The following FLVCR2 variants were observed in gnomAD, a reference collection of about 807,000 sequenced individuals.
FLVCR2 encodes choline/ethanolamine transporter FLVCR2.
A neutral mutation model predicts 48.9 loss-of-function variants in FLVCR2; 38 were observed. That is an observed-to-expected ratio of 0.78 (90% CI 0.60 to 1.02). The LOEUF (loss-of-function observed/expected upper bound fraction) is 1.02. Ranked by LOEUF, FLVCR2 falls within the 50% of genes least tolerant of loss-of-function variation. FLVCR2 has a pLI of 0.00. For synonymous variants in FLVCR2, 255 were observed against 257.0 expected (o/e 0.99, Z 0.07); for missense variants, 664 against 663.3 (o/e 1.00, Z -0.01).
chr14:75,646,307 T>G, intron 9 of FLVCR2, 94 bp from the exon 10 acceptor site: 1 of 838,116 alleles, frequency 1.2e-6, no homozygotes, highest in Non-Finnish European at 2.1e-6. Context: ...GCTCTTGTAT[T>G]CCCCACTGAT....
chr14:75,631,713 C>CT, intron 3 of FLVCR2: 1 of 454,310 alleles, frequency 2.2e-6, no homozygotes, highest in South Asian at 1.6e-5. Context: ...AATGGGAAGA[C>CT]GGGAGGAGAC....
intron 5 of FLVCR2, among the ~76,000 whole-genome samples, chr14:75,636,725 C>G (rs1335222123): frequency 6.6e-6 from 1 of 152,208 alleles, no homozygotes; most frequent in Non-Finnish European, 1.5e-5. Flanking sequence ...GATGAGAGCT[C>G]TGTGATCCCA....
intron 5 of FLVCR2, among the ~76,000 whole-genome samples, chr14:75,635,668 C>T (rs1416966425): frequency 1.3e-5 from 2 of 152,022 alleles, no homozygotes; most frequent in Non-Finnish European, 2.9e-5. Flanking sequence ...AGCTCAAAAC[C>T]AGCCTGGGCA....
At chr14:75,585,717 C>T (rs1482389718) in intron 1 of FLVCR2, among the ~76,000 whole-genome samples, 1 of 152,138 alleles carries the variant, frequency 6.6e-6, no homozygotes, top group Non-Finnish European at 1.5e-5. Flanking sequence ...GGCAGGCGTC[C>T]CCGCAATGAT....
rs35898436 is a variant in FLVCR2 at position 75,600,876 on chromosome 14, C to CA, written c.670-21192dup. 3.8e-3 allele frequency among the ~76,000 whole-genome samples: 530 copies of CA among 140,478 alleles called. 3 individuals are homozygous for CA. The highest frequency in any genetic ancestry group is 7.3e-3 in the African/African-American group (286 of 39,190). 92.2% of individuals were successfully genotyped at this position (140,478 alleles called of 152,430 possible). ...TAAAGAACTCTTTACAACTCAACCG[C>CA]AAAAAAAAAAACAAACAAACAATCC... On this transcript the variant is annotated intron_variant, in intron 1 of 9. Transcript: ENST00000238667.
At chr14:75,623,192 G>C (rs1338921146) in intron 2 of FLVCR2, among the ~76,000 whole-genome samples, 1 of 152,104 alleles carries the variant, frequency 6.6e-6, no homozygotes, top group Non-Finnish European at 1.5e-5. Context: ...ATGTTGGCCA[G>C]GCTGGTCTCG....
rs193042691 is a variant in FLVCR2 at position 75,579,393 on chromosome 14, G to A, written c.421G>A (p.Val141Met). 1.9e-4 allele frequency: 314 copies of A among 1,614,210 alleles called. No individual in the cohort carries two copies. The highest frequency in any genetic ancestry group is 2.5e-4 in the Non-Finnish European group (299 of 1,180,054). Residue 141 changes from valine (V) to methionine (M), a missense_variant, in exon 1 of 10, where the codon GTG becomes ATG. Val to Met is a conservative substitution (Grantham distance 21). Transcript: ENST00000238667. ...MLTYIPLLLP[V>M]AWLLEKFGLR... ...GACTTACATCCCTCTGCTCCTGCCAGTGGCTTGGCTGCTGGAGAAGTTCGG... is the reference window on the plus strand; with the variant it reads ...GACTTACATCCCTCTGCTCCTGCCAATGGCTTGGCTGCTGGAGAAGTTCGG...
chr14:75,583,265 G>A (rs551931476), intron 1 of FLVCR2, among the ~76,000 whole-genome samples: 1 of 152,196 alleles, frequency 6.6e-6, no homozygotes, highest in Non-Finnish European at 1.5e-5. Context: ...GGTTGATAAG[G>A]CGCAGATCCT....
chr14:75,640,552 A>T (rs1050938740), intron 6 of FLVCR2, among the ~76,000 whole-genome samples: 1 of 152,186 alleles, frequency 6.6e-6, no homozygotes, highest in Non-Finnish European at 1.5e-5. Context: ...TCCAGGTCCC[A>T]GAGAGCCACG....
intron 5 of FLVCR2, among the ~76,000 whole-genome samples, chr14:75,636,008 C>T (rs1009223686): frequency 6.6e-6 from 1 of 152,188 alleles, no homozygotes; most frequent in Non-Finnish European, 1.5e-5. Flanking sequence ...CAGCAGCTGG[C>T]CTTGGAGAAA....
intron 5 of FLVCR2, among the ~76,000 whole-genome samples, chr14:75,637,963 A>T (rs538775226): frequency 6.6e-6 from 1 of 152,128 alleles, no homozygotes; most frequent in African/African-American, 2.4e-5. Context: ...TGAAATAGAA[A>T]CCAAGACTTG....
intron 1 of FLVCR2, among the ~76,000 whole-genome samples, chr14:75,611,735 CACAAACAAACAA>C (rs575486820): frequency 4.6e-5 from 7 of 151,976 alleles, no homozygotes; most frequent in African/African-American, 7.3e-5. Context: ...GACCCTGTCT[CACAAACAAACAA>C]ACAAACAAAC....
rs539862875 is a variant in FLVCR2 at position 75,646,801 on chromosome 14, C to T, written c.*329C>T. On this transcript the variant is annotated 3_prime_UTR_variant, in exon 10 of 10. Coordinates refer to ENST00000238667, the MANE Select transcript of FLVCR2 (RefSeq NM_017791.3). ...GCCTTCCCTCTTTTCCTCCATCCAT[C>T]GTGGACAATGCCTGCAAAATTTTCA... 3.2e-5 allele frequency: 12 copies of T among 374,884 alleles called. No homozygotes were observed. The highest frequency in any genetic ancestry group is 8.3e-5 in the African/African-American group (4 of 47,908). 23.2% of individuals were successfully genotyped at this position (374,884 alleles called of 1,614,324 possible). A position where few individuals can be genotyped will look rare whatever the true frequency, so the allele number is the denominator to read the frequency against.
At chr14:75,632,883 T>G (rs1361003363) in intron 3 of FLVCR2, 1 of 702,264 alleles carries the variant, frequency 1.4e-6, no homozygotes, top group Non-Finnish European at 2.6e-6. Flanking sequence ...AATCCATAGG[T>G]ATGTGCAGCC....
chr14:75,624,780 A>C, intron 3 of FLVCR2, 28 bp downstream of exon 3: 1 of 1,613,546 alleles, frequency 6.2e-7, no homozygotes, highest in Non-Finnish European at 8.5e-7. Flanking sequence ...CTAGGAATGC[A>C]TTCGAGCTGG....
At chr14:75,595,946 G>C in intron 1 of FLVCR2, 2 of 1,468,496 alleles carry the variant, frequency 1.4e-6, no homozygotes, top group Non-Finnish European at 1.9e-6. Context: ...GTCTATGTTT[G>C]GGTTCATTTT....
intron 1 of FLVCR2, chr14:75,605,781 T>C: frequency 1.4e-6 from 1 of 715,728 alleles, no homozygotes; most frequent in Admixed American, 2.1e-5. Context: ...CTGCTTTTGA[T>C]TGCACAGCCC....
chr14:75,637,199 T>G (rs999736879), intron 5 of FLVCR2, among the ~76,000 whole-genome samples: 1 of 152,262 alleles, frequency 6.6e-6, no homozygotes, highest in African/African-American at 2.4e-5. Flanking sequence ...CTGGTGACTT[T>G]GGACAAGTAA....
At chr14:75,616,176 A>T (rs2140032231) in intron 1 of FLVCR2, among the ~76,000 whole-genome samples, 1 of 151,888 alleles carries the variant, frequency 6.6e-6, no homozygotes, top group East Asian at 1.9e-4. Flanking sequence ...AAAATTAAAA[A>T]ATCAGCCAGG....
Sources: gnomAD v4.1 joint callset for allele counts (sites outside exome capture counted in the v4.1 genomes callset) on GRCh38, gnomAD v4.1.1 for gene constraint, MANE v1.5 for transcripts, NCBI Gene and HGNC (gene_info 2026-07-23, HGNC 2026-07-21) for gene names.